THSD7B: variants seen among roughly 807,000 people sequenced by gnomAD.
THSD7B encodes the protein thrombospondin type-1 domain-containing protein 7B.
THSD7B carries 138 observed loss-of-function variants against 213.6 expected under a neutral mutation model. The observed-to-expected ratio is 0.65, with a 90% CI of 0.56 to 0.74. The LOEUF is 0.74. Among genes scored for constraint, THSD7B ranks in the 30% least tolerant of loss-of-function variants. THSD7B has a pLI of 0.00. For synonymous variants in THSD7B, 742 were observed against 687.0 expected (o/e 1.08, Z -1.25); for missense variants, 1,931 against 1,991.5 (o/e 0.97, Z 0.58).
intron 5 of THSD7B, among the ~76,000 whole-genome samples, chr2:137,124,618 A>G (rs527410584): frequency 7.2e-5 from 11 of 152,274 alleles, no homozygotes; most frequent in African/African-American, 2.4e-4. Flanking sequence ...AAGCCAGTGA[A>G]CTAGGATGCT....
chr2:137,029,824 G>A (rs1686629326), intron 2 of THSD7B, among the ~76,000 whole-genome samples: 1 of 152,080 alleles, frequency 6.6e-6, no homozygotes, highest in Non-Finnish European at 1.5e-5. Flanking sequence ...TTTTTATAGT[G>A]CACCTGATAG....
chr2:137,395,950 T>A (rs1686172866), intron 12 of THSD7B, among the ~76,000 whole-genome samples: 1 of 152,134 alleles, frequency 6.6e-6, no homozygotes, highest in Non-Finnish European at 1.5e-5. Context: ...TTTATTTGCA[T>A]AGAGGTGTTT....
chr2:137,581,609 C>T (rs1248513616), intron 17 of THSD7B, among the ~76,000 whole-genome samples: 1 of 151,604 alleles, frequency 6.6e-6, no homozygotes, highest in Non-Finnish European at 1.5e-5. Flanking sequence ...CACAGAGAGA[C>T]TCCGTTTCAA....
At chr2:137,275,076 G>T (rs78400644) in intron 11 of THSD7B, among the ~76,000 whole-genome samples, 4,104 of 152,172 alleles carry the variant, frequency 0.027, 108 homozygotes, top group Middle Eastern at 0.099. Flanking sequence ...GTTTGGGTTT[G>T]CTGGAATATT....
At chr2:137,302,410 T>C (rs1683628585) in intron 12 of THSD7B, among the ~76,000 whole-genome samples, 1 of 152,048 alleles carries the variant, frequency 6.6e-6, no homozygotes, top group Admixed American at 6.5e-5. Context: ...GTGCTAAATG[T>C]TGCTGAAAGG....
chr2:137,437,952 T>G (rs74393109), intron 14 of THSD7B, among the ~76,000 whole-genome samples: 3,560 of 152,240 alleles, frequency 0.023, 149 homozygotes, highest in African/African-American at 0.082. Flanking sequence ...TGGGGAAGAC[T>G]TGAGACATTT....
intron 14 of THSD7B, among the ~76,000 whole-genome samples, chr2:137,449,633 GGCTGCCCTCA>G: frequency 6.6e-6 from 1 of 152,150 alleles, no homozygotes; most frequent in African/African-American, 2.4e-5. Context: ...GACAGCAAGG[GGCTGCCCTCA>G]GATTCTAGAG....
chr2:136,938,129 C>T (rs1684763805), intron 2 of THSD7B, among the ~76,000 whole-genome samples: 1 of 152,140 alleles, frequency 6.6e-6, no homozygotes, highest in Non-Finnish European at 1.5e-5. Context: ...CATCTTTACC[C>T]ACACCAAGAT....
intron 15 of THSD7B, among the ~76,000 whole-genome samples, chr2:137,500,332 G>A (rs1679673057): frequency 6.6e-6 from 1 of 152,162 alleles, no homozygotes; most frequent in African/African-American, 2.4e-5. Flanking sequence ...GCAATTATTT[G>A]AATAATTCAG....
intron 12 of THSD7B, among the ~76,000 whole-genome samples, chr2:137,299,051 G>A (rs1683536434): frequency 6.6e-6 from 1 of 152,048 alleles, no homozygotes; most frequent in African/African-American, 2.4e-5. Flanking sequence ...AATGCTGCAT[G>A]AAGGCAGCCA....
chr2:136,934,752 C>G (rs1037453813), intron 2 of THSD7B, among the ~76,000 whole-genome samples: 9 of 152,096 alleles, frequency 5.9e-5, no homozygotes, highest in African/African-American at 2.2e-4. Flanking sequence ...TGTAGTGGAG[C>G]AACAATAGAT....
At chr2:137,051,247 T>C (rs1011172973) in intron 2 of THSD7B, among the ~76,000 whole-genome samples, 1 of 152,230 alleles carries the variant, frequency 6.6e-6, no homozygotes, top group Non-Finnish European at 1.5e-5. Flanking sequence ...TTAACAGATA[T>C]TTACTGCCTT....
chr2:136,787,689 T>C (rs1558805197), intron 1 of THSD7B, among the ~76,000 whole-genome samples: 1 of 152,172 alleles, frequency 6.6e-6, no homozygotes, highest in Admixed American at 6.5e-5. Flanking sequence ...AACCTTATTA[T>C]TCACTATATT....
chr2:137,428,252 A>T (rs1687102733), intron 14 of THSD7B, among the ~76,000 whole-genome samples: 2 of 152,276 alleles, frequency 1.3e-5, no homozygotes, highest in African/African-American at 4.8e-5. Context: ...AAGCCCAATG[A>T]GATACTAATT....
At chr2:137,164,140 G>C (rs534540144) in intron 6 of THSD7B, among the ~76,000 whole-genome samples, 2 of 152,184 alleles carry the variant, frequency 1.3e-5, no homozygotes, top group Admixed American at 1.3e-4. Flanking sequence ...TTGGATGAAG[G>C]GGGAAAAGAG....
At chr2:137,635,287 T>C (rs1053319491) in intron 20 of THSD7B, among the ~76,000 whole-genome samples, 1 of 152,186 alleles carries the variant, frequency 6.6e-6, no homozygotes, top group Non-Finnish European at 1.5e-5. Context: ...ATATTGTCCA[T>C]ATTTATGATT....
chr2:136,786,032 A>T (rs1018839322), intron 1 of THSD7B, among the ~76,000 whole-genome samples: 3 of 152,184 alleles, frequency 2.0e-5, no homozygotes, highest in African/African-American at 7.2e-5. Flanking sequence ...TCAGAAAACA[A>T]ACTCAAGGCT....
intron 12 of THSD7B, among the ~76,000 whole-genome samples, chr2:137,370,511 C>T (rs1428925246): frequency 6.6e-6 from 1 of 152,132 alleles, no homozygotes; most frequent in African/African-American, 2.4e-5. Context: ...CTCTGTTGCC[C>T]AGTCTGGAAT....
At chr2:137,214,303 A>G (rs1395699472) in intron 7 of THSD7B, among the ~76,000 whole-genome samples, 1 of 152,136 alleles carries the variant, frequency 6.6e-6, no homozygotes, top group Non-Finnish European at 1.5e-5. Flanking sequence ...CTGACATCAG[A>G]TACCTTTAAC....
Sources: gnomAD v4.1 joint callset for allele counts (sites outside exome capture counted in the v4.1 genomes callset) on GRCh38, gnomAD v4.1.1 for gene constraint, MANE v1.5 for transcripts, NCBI Gene and HGNC (gene_info 2026-07-23, HGNC 2026-07-21) for gene names.